The following CDS1 variants were observed in gnomAD, a reference collection of about 807,000 sequenced individuals.
CDS1 encodes CDP-diacylglycerol synthase 1, also known as phosphatidate cytidylyltransferase 1.
A neutral mutation model predicts 62.1 loss-of-function variants in CDS1; 41 were observed. That is an observed-to-expected ratio of 0.66 (90% CI 0.51 to 0.86). The LOEUF is 0.86. CDS1 is among the 40% of genes least tolerant of loss of function. The pLI, the probability that CDS1 is intolerant of heterozygous loss-of-function variation, is 0.00. For missense variants in CDS1, 470 were observed against 550.1 expected (o/e 0.85, Z 1.46); for synonymous variants, 185 against 192.6 (o/e 0.96, Z 0.32).
chr4:84,615,273 C>G (rs1723453225), intron 3 of CDS1, among the ~76,000 whole-genome samples: 1 of 152,048 alleles, frequency 6.6e-6, no homozygotes. Flanking sequence ...CTCTACTCCG[C>G]TACCACTTCA....
rs529325289 is a variant in CDS1 at position 84,635,368 on chromosome 4, A to G, written c.810+17A>G. ...TTAATTAAGGTAATGGAAAAATTTTATAAGCAAGCCACTATGTAACCTTAA... is the reference window on the plus strand; with the variant it reads ...TTAATTAAGGTAATGGAAAAATTTTGTAAGCAAGCCACTATGTAACCTTAA... On this transcript the variant is annotated intron_variant, in intron 8 of 12. Coordinates refer to ENST00000295887, the MANE Select transcript of CDS1 (RefSeq NM_001263.4). 4 of 1,179,430 alleles carry G rather than the reference A, an allele frequency of 3.4e-6. No individual in the cohort carries two copies. In the Admixed American group the frequency reaches 5.4e-5, roughly 16 times the overall value. 73.1% of individuals were successfully genotyped at this position (1,179,430 alleles called of 1,614,324 possible).
rs1221627799 is a variant in CDS1, at chr4:84,624,057, G to T, written c.580+4524G>T. Among the ~76,000 whole-genome samples, 5 of 152,060 alleles carry T rather than the reference G, an allele frequency of 3.3e-5. No individual in the cohort carries two copies. The South Asian group carries it at 1.0e-3, about 32-fold the overall frequency. On this transcript the variant is annotated intron_variant, in intron 5 of 12. Coordinates refer to ENST00000295887, the MANE Select transcript of CDS1 (RefSeq NM_001263.4). ...GAGGCCGAGGCAGGCGGATCACAAG[G>T]TCAGGAAATCGAGACCATCCTGGCT...
rs755482197 is a variant in CDS1 at position 84,612,879 on chromosome 4, C to T, written c.342+3354C>T. On this transcript the variant is annotated intron_variant, in intron 3 of 12. Coordinates refer to ENST00000295887, the MANE Select transcript of CDS1 (RefSeq NM_001263.4). The stretch of plus-strand genomic sequence containing the variant: ...AGGCGTGTGCCTGTAATCTGAGCTA[C>T]TTGGGAGGCTGAGGCAGGAGAATCG... Among the ~76,000 whole-genome samples the T allele has an allele frequency of 4.0e-5, 6 of 150,870 alleles. 1 individual carries two copies. The highest frequency in any genetic ancestry group is 7.4e-5 in the Non-Finnish European group (5 of 67,832).
At chr4:84,636,210 T>A (rs908573613) in intron 8 of CDS1, among the ~76,000 whole-genome samples, 7 of 152,204 alleles carry the variant, frequency 4.6e-5, no homozygotes, top group Non-Finnish European at 8.8e-5. Context: ...GAAGAGATTA[T>A]ATAATACACC....
chr4:84,633,479 C>T (rs1724086021), intron 6 of CDS1, among the ~76,000 whole-genome samples: 1 of 152,214 alleles, frequency 6.6e-6, no homozygotes, highest in Admixed American at 6.5e-5. Context: ...TTGTTAATAA[C>T]TGCAGAATGC....
At chr4:84,602,395 G>GAAA in intron 1 of CDS1, among the ~76,000 whole-genome samples, 1 of 152,170 alleles carries the variant, frequency 6.6e-6, no homozygotes, top group East Asian at 1.9e-4. Flanking sequence ...GGCTTGCAGA[G>GAAA]AACTTTAATA....
At position 84,640,940 on chromosome 4, in the gene CDS1, C is replaced by A; in HGVS notation, c.982C>A (p.Gln328Lys). 6.2e-7 allele frequency: 1 copy of A among 1,610,432 alleles called. No individual in the cohort carries two copies. ...VTECEPSELF[Q>K]LQTYSLPPFL... ...AGAATGTGAGCCCTCAGAACTTTTC[C>A]AGCTTCAGACTTACTCACTTCCACC... The change falls in exon 10 of 13, where the codon CAG (glutamine) becomes AAG (lysine). Residue 328 changes from glutamine (Q) to lysine (K), a missense_variant. Transcript: ENST00000295887.
chr4:84,637,423 A>T (rs996459968), intron 8 of CDS1, among the ~76,000 whole-genome samples: 7 of 152,174 alleles, frequency 4.6e-5, no homozygotes, highest in African/African-American at 1.7e-4. Flanking sequence ...GGAAGCAGGC[A>T]CATCTTATAT....
At chr4:84,590,819 A>G (rs964731950) in intron 1 of CDS1, among the ~76,000 whole-genome samples, 4 of 152,202 alleles carry the variant, frequency 2.6e-5, no homozygotes, top group Non-Finnish European at 4.4e-5. Context: ...GATAATATTG[A>G]TGAATGATTG....
intron 6 of CDS1, among the ~76,000 whole-genome samples, chr4:84,632,602 G>A (rs1196194378): frequency 6.6e-6 from 1 of 152,110 alleles, no homozygotes; most frequent in Non-Finnish European, 1.5e-5. Flanking sequence ...AAGGGAATCT[G>A]AGCATGAAGA....
At position 84,635,246 on chromosome 4, in the gene CDS1, T is replaced by G; in HGVS notation, c.723-18T>G. On this transcript the variant is annotated intron_variant, in intron 7 of 12. Transcript: ENST00000295887. ...TGAACTTTTTTCTGCTGACTTTTTT[T>G]TTTTTTTTTAAAAACAGGTTCCTTG... 7.2e-7 allele frequency: 1 copy of G among 1,379,972 alleles called. No homozygotes were observed. The highest frequency in any genetic ancestry group is 1.0e-6 in the Non-Finnish European group (1 of 999,202). 85.5% of individuals were successfully genotyped at this position (1,379,972 alleles called of 1,614,324 possible).
chr4:84,599,449 T>TGC (rs1722866720), intron 1 of CDS1, among the ~76,000 whole-genome samples: 1 of 136,452 alleles, frequency 7.3e-6, no homozygotes, highest in East Asian at 2.1e-4. Context: ...TATATATATA[T>TGC]ATGCCTATGA....
At chr4:84,583,560 G>C in intron 1 of CDS1, 42 bp downstream of exon 1, 1 of 1,264,616 alleles carries the variant, frequency 7.9e-7, no homozygotes, top group Non-Finnish European at 1.1e-6. Flanking sequence ...CCCTGGCTGG[G>C]TCCTGGTTGG....
chr4:84,639,087 A>T, intron 9 of CDS1, 95 bp downstream of exon 9: 1 of 457,958 alleles, frequency 2.2e-6, no homozygotes, highest in Non-Finnish European at 3.7e-6. Flanking sequence ...TAAACCACAA[A>T]ATGCTAATAA....
At chr4:84,608,260 G>A (rs941879512) in intron 2 of CDS1, among the ~76,000 whole-genome samples, 2 of 152,162 alleles carry the variant, frequency 1.3e-5, no homozygotes, top group East Asian at 1.9e-4. Context: ...TGAAAGCTCC[G>A]CCTCCCGGGT....
intron 5 of CDS1, among the ~76,000 whole-genome samples, chr4:84,626,807 A>G (rs1006543252): frequency 6.6e-6 from 1 of 152,148 alleles, no homozygotes; most frequent in African/African-American, 2.4e-5. Context: ...GGGTCCGACT[A>G]TGTATTTGTT....
intron 8 of CDS1, 56 bp downstream of exon 8, chr4:84,635,407 G>A (rs550956288): frequency 3.8e-5 from 32 of 852,978 alleles, no homozygotes; most frequent in East Asian, 3.6e-4. Flanking sequence ...TTAGCCACTG[G>A]AGAACATTTC....
chr4:84,625,010 G>A (rs995368736), intron 5 of CDS1, among the ~76,000 whole-genome samples: 2 of 151,888 alleles, frequency 1.3e-5, no homozygotes, highest in Middle Eastern at 3.2e-3. Context: ...ACAGGCATGC[G>A]CTACTGTGCC....
intron 1 of CDS1, among the ~76,000 whole-genome samples, chr4:84,594,109 G>C (rs1044179633): frequency 6.6e-6 from 1 of 152,054 alleles, no homozygotes; most frequent in South Asian, 2.1e-4. Flanking sequence ...TAGTGTAGGG[G>C]AGTGAAAACC....
Sources: gnomAD v4.1 joint callset for allele counts (sites outside exome capture counted in the v4.1 genomes callset) on GRCh38, gnomAD v4.1.1 for gene constraint, MANE v1.5 for transcripts, NCBI Gene and HGNC (gene_info 2026-07-23, HGNC 2026-07-21) for gene names.